Variants in LRBA observed in about 807,000 individuals in gnomAD.
LRBA encodes the protein LPS responsive beige-like anchor protein, also known as lipopolysaccharide-responsive and beige-like anchor protein.
LRBA carries 176 observed loss-of-function variants against 330.0 expected under a neutral mutation model. The ratio of observed to expected loss-of-function variants is 0.53; its 90% CI spans 0.47 to 0.60. The LOEUF (loss-of-function observed/expected upper bound fraction) is 0.60. Among genes scored for constraint, LRBA ranks in the 20% least tolerant of loss-of-function variants. The pLI, the probability that LRBA is intolerant of heterozygous loss-of-function variation, is 0.00. For synonymous variants in LRBA, 1,230 were observed against 1,193.0 expected (o/e 1.03, Z -0.64); for missense variants, 3,259 against 3,444.8 (o/e 0.95, Z 1.35).
intron 40 of LRBA, chr4:150,581,467 C>G: frequency 6.5e-6 from 2 of 308,962 alleles, no homozygotes; most frequent in Non-Finnish European, 1.3e-5. Context: ...ATTCCCCTTT[C>G]GCTTCCCATT....
chr4:150,735,401 T>C, intron 35 of LRBA, 35 bp from the exon 36 acceptor site: 1 of 1,275,400 alleles, frequency 7.8e-7, no homozygotes, highest in Non-Finnish European at 1.1e-6. Context: ...TAAATATATG[T>C]ATACACACAC....
chr4:150,465,648 T>A (rs1344405116), intron 44 of LRBA, among the ~76,000 whole-genome samples: 1 of 152,156 alleles, frequency 6.6e-6, no homozygotes, highest in Non-Finnish European at 1.5e-5. Context: ...CACTTGTATA[T>A]CCTCTTTGGA....
At chr4:150,762,697 A>G (rs1735259784) in intron 34 of LRBA, among the ~76,000 whole-genome samples, 1 of 151,930 alleles carries the variant, frequency 6.6e-6, no homozygotes, top group Admixed American at 6.6e-5. Flanking sequence ...GGAAATACAT[A>G]CATAATCTTC....
chr4:150,914,076 T>C (rs1255304644), intron 9 of LRBA, 119 bp downstream of exon 9: 9 of 712,708 alleles, frequency 1.3e-5, no homozygotes, highest in African/African-American at 8.9e-5. Context: ...TGGTATCAAA[T>C]AGTAGGTCTC....
At chr4:150,678,716 G>C (rs1205199930) in intron 37 of LRBA, among the ~76,000 whole-genome samples, 1 of 152,144 alleles carries the variant, frequency 6.6e-6, no homozygotes, top group East Asian at 1.9e-4. Context: ...TGTCAGGAAT[G>C]GCTATAAAGA....
intron 36 of LRBA, among the ~76,000 whole-genome samples, chr4:150,684,717 A>T (rs987013906): frequency 6.6e-6 from 1 of 152,176 alleles, no homozygotes; most frequent in African/African-American, 2.4e-5. Context: ...CCTTTGTTCT[A>T]TTCAGTGTCT....
chr4:150,772,738 G>C (rs1390978507), intron 34 of LRBA, among the ~76,000 whole-genome samples: 1 of 152,128 alleles, frequency 6.6e-6, no homozygotes, highest in African/African-American at 2.4e-5. Context: ...ATCCCCATCT[G>C]CCACTGACAC....
intron 2 of LRBA, among the ~76,000 whole-genome samples, chr4:150,931,586 T>C: frequency 6.7e-6 from 1 of 148,702 alleles, no homozygotes. Context: ...ACAGCCAGAC[T>C]CTGTCTCCAT....
rs1055531781 is a variant in LRBA at position 150,338,998 on chromosome 4, T to C, written c.7362+10994A>G. Among the ~76,000 whole-genome samples, 106 of 138,706 alleles carry C rather than the reference T, an allele frequency of 7.6e-4. 1 individual carries two copies. The highest frequency in any genetic ancestry group is 2.6e-3 in the Admixed American group (37 of 14,180). The allele number at this position is 138,706 out of a possible 152,430, so 91.0% of individuals were successfully genotyped here. ...ACACACACACACACACACACACAAGTAGTGAACCCAGAGTTCTAGAATTCA... is the reference window on the plus strand; with the variant it reads ...ACACACACACACACACACACACAAGCAGTGAACCCAGAGTTCTAGAATTCA... On this transcript the variant is annotated intron_variant, in intron 48 of 56. Coordinates refer to ENST00000651943, the MANE Select transcript of LRBA (RefSeq NM_001364905.1).
intron 35 of LRBA, among the ~76,000 whole-genome samples, chr4:150,743,887 T>C (rs560384106): frequency 2.0e-5 from 3 of 152,172 alleles, no homozygotes; most frequent in African/African-American, 7.2e-5. Context: ...TTAAAGAAAA[T>C]AAAAAAGCTT....
In LRBA at chr4:150,839,378, C is replaced by T. The variant is rs138924308; in HGVS notation, c.4569+4722G>A. 7.7e-3 allele frequency among the ~76,000 whole-genome samples: 1,167 copies of T among 152,282 alleles called. 13 individuals carry two copies. The highest frequency in any genetic ancestry group is 0.027 in the African/African-American group (1,114 of 41,546). On this transcript the variant is annotated intron_variant, in intron 28 of 56. Transcript: ENST00000651943. ...CAAATACCATTTGGCCCAGCCATCC[C>T]ATTACTGGGTATATACTCAAAGGAT... is the stretch of plus-strand genomic sequence containing the variant.
At chr4:150,421,873 C>A (rs1748846871) in intron 46 of LRBA, among the ~76,000 whole-genome samples, 1 of 152,038 alleles carries the variant, frequency 6.6e-6, no homozygotes, top group Admixed American at 6.5e-5. Flanking sequence ...ATCCCTGGAT[C>A]CTCCAGGGAA....
chr4:150,867,700 C>T lies in LRBA; in HGVS notation c.2737G>A (p.Val913Ile), dbSNP rs762545701. Residue 913 changes from valine (V) to isoleucine (I), a missense_variant, in exon 22 of 57, where the codon GTA (valine) becomes ATA (isoleucine). Val to Ile is a conservative substitution (Grantham distance 29, BLOSUM62 3). Transcript: ENST00000651943. ...GAATGAGTGATTGATAAAGTGTCTA[C>T]CCATACACGCCAGCCACCCCACTCA... is the stretch of plus-strand genomic sequence containing the variant. ...KYEWGGWRVW[V>I]DTLSITHSKV... 5 of 1,612,946 alleles carry T rather than the reference C, an allele frequency of 3.1e-6. No homozygotes were observed. The highest frequency in any genetic ancestry group is 4.2e-6 in the Non-Finnish European group (5 of 1,179,576).
intron 40 of LRBA, among the ~76,000 whole-genome samples, chr4:150,492,048 CAA>C (rs1478960443): frequency 6.6e-6 from 1 of 151,360 alleles, no homozygotes; most frequent in African/African-American, 2.4e-5. Flanking sequence ...ATGGGATGAG[CAA>C]AGAGGTAAAA....
intron 37 of LRBA, among the ~76,000 whole-genome samples, chr4:150,644,765 G>A (rs1778977049): frequency 6.6e-6 from 1 of 151,730 alleles, no homozygotes; most frequent in Admixed American, 6.6e-5. Context: ...TCAAAGTTGA[G>A]AAAACAAAAA....
chr4:150,528,456 A>G (rs1763708874), intron 40 of LRBA, among the ~76,000 whole-genome samples: 1 of 151,406 alleles, frequency 6.6e-6, no homozygotes, highest in East Asian at 2.0e-4. Flanking sequence ...AGCCGAGATC[A>G]CGCCACTGCA....
intron 42 of LRBA, among the ~76,000 whole-genome samples, chr4:150,484,653 C>T (rs368682927): frequency 2.2e-4 from 33 of 151,668 alleles, no homozygotes; most frequent in African/African-American, 8.0e-4. Flanking sequence ...CTTTCTTCAG[C>T]TTACTTTGAC....
At chr4:150,448,079 A>G (rs1025208907) in intron 44 of LRBA, among the ~76,000 whole-genome samples, 13 of 152,222 alleles carry the variant, frequency 8.5e-5, no homozygotes, top group African/African-American at 3.1e-4. Flanking sequence ...ACTAAAAGGA[A>G]CCAGAGGTCC....
chr4:150,942,210 T>A (rs1579272957), intron 2 of LRBA, among the ~76,000 whole-genome samples: 2 of 152,138 alleles, frequency 1.3e-5, no homozygotes, highest in Non-Finnish European at 2.9e-5. Context: ...TACAACAATA[T>A]GGGTTGGGTA....
Sources: gnomAD v4.1 joint callset for allele counts (sites outside exome capture counted in the v4.1 genomes callset) on GRCh38, gnomAD v4.1.1 for gene constraint, MANE v1.5 for transcripts, NCBI Gene and HGNC (gene_info 2026-07-23, HGNC 2026-07-21) for gene names.